ANKS1A: variants seen among roughly 807,000 people sequenced by gnomAD.
ANKS1A encodes ankyrin repeat and sterile alpha motif domain containing 1A.
ANKS1A carries 55 observed loss-of-function variants against 120.3 expected under a neutral mutation model. The ratio of observed to expected loss-of-function variants is 0.46; its 90% CI spans 0.37 to 0.57. The LOEUF is 0.57. ANKS1A is among the 20% of genes least tolerant of loss of function. ANKS1A has a pLI of 0.00. For missense variants in ANKS1A, 1,123 were observed against 1,480.3 expected (o/e 0.76, Z 3.96); for synonymous variants, 590 against 604.7 (o/e 0.98, Z 0.36).
Position 35,017,846 on chromosome 6 carries a change from C to G in ANKS1A, c.1797C>G (p.Asp599Glu), listed in dbSNP as rs755339145. ...ACCCTGGTGGTGCTGAGGAAGGAGACCGGAGTGGGGCCAGGAGCCGAGCGC... is the reference window on the plus strand; with the variant it reads ...ACCCTGGTGGTGCTGAGGAAGGAGAGCGGAGTGGGGCCAGGAGCCGAGCGC... ...SPHPGGAEEG[D>E]RSGARSRAPP... The change falls in exon 11 of 24, where the codon GAC (aspartate) becomes GAG (glutamate). Residue 599 changes from aspartate to glutamate, a missense_variant. Transcript: ENST00000360359. 8.1e-6 allele frequency: 13 copies of G among 1,614,090 alleles called. No individual in the cohort carries two copies. In the Admixed American group the frequency reaches 2.2e-4, roughly 27 times the overall value.
chr6:35,047,174 A>G (rs1775758356), intron 11 of ANKS1A, among the ~76,000 whole-genome samples: 1 of 152,166 alleles, frequency 6.6e-6, no homozygotes. Flanking sequence ...CTGATAGTGT[A>G]TTTGTATTAA....
rs116702560 is a variant in ANKS1A at position 34,958,897 on chromosome 6, G to A, written c.198-8342G>A. On this transcript the variant is annotated intron_variant, in intron 1 of 23. Coordinates refer to ENST00000360359, the MANE Select transcript of ANKS1A (RefSeq NM_015245.3). The stretch of plus-strand genomic sequence containing the variant: ...AGTTTGTGTACTTCCTTCCCAGAAT[G>A]TCACACACTGTACAGTATTGTCATT... Among the ~76,000 whole-genome samples, 1,161 of 152,262 alleles carry A rather than the reference G, an allele frequency of 7.6e-3. 21 individuals carry two copies. Among genetic ancestry groups the A allele is most frequent in the African/African-American group, 0.026 (1,062 of 41,526 alleles).
rs140599618 is a variant in ANKS1A at position 35,070,826 on chromosome 6, T to TTG, written c.2185-7713_2185-7712dup. ...ACCCAGACACCCCTTTCTTTTTTCT[T>TTG]TGTGTGTGTGTGTGTGTGTGCGCGC... is the stretch of plus-strand genomic sequence containing the variant. On this transcript the variant is annotated intron_variant, in intron 13 of 23. Coordinates refer to ENST00000360359, the MANE Select transcript of ANKS1A (RefSeq NM_015245.3). 2,925 of 480,358 alleles carry TTG rather than the reference T, an allele frequency of 6.1e-3. 9 individuals are homozygous for TTG. Among genetic ancestry groups the TTG allele is most frequent in the East Asian group, 0.014 (290 of 20,870 alleles). 29.8% of individuals were successfully genotyped at this position (480,358 alleles called of 1,614,324 possible). A position where few individuals can be genotyped will look rare whatever the true frequency, so the allele number is the denominator to read the frequency against.
chr6:34,984,568 T>C (rs573938132), intron 7 of ANKS1A, among the ~76,000 whole-genome samples: 1 of 152,318 alleles, frequency 6.6e-6, no homozygotes, highest in Non-Finnish European at 1.5e-5. Context: ...TTGCCTGGGC[T>C]CTAATAGTTG....
chr6:35,019,217 G>T (rs1308958081), intron 11 of ANKS1A, among the ~76,000 whole-genome samples: 2 of 152,204 alleles, frequency 1.3e-5, no homozygotes, highest in East Asian at 3.8e-4. Context: ...GCTTCTTACT[G>T]AGTGGAAGCT....
At chr6:35,068,862 G>A (rs1206784478) in intron 13 of ANKS1A, among the ~76,000 whole-genome samples, 1 of 152,226 alleles carries the variant, frequency 6.6e-6, no homozygotes, top group Non-Finnish European at 1.5e-5. Flanking sequence ...ACATGGAAAG[G>A]AGGGTGGAGG....
intron 13 of ANKS1A, among the ~76,000 whole-genome samples, chr6:35,077,639 C>G (rs1581745664): frequency 6.6e-6 from 1 of 152,300 alleles, no homozygotes; most frequent in East Asian, 1.9e-4. Flanking sequence ...CTCACACTAT[C>G]TTGTGACTTC....
In ANKS1A at chr6:34,889,274, A is replaced by C; in HGVS notation, c.-129A>C. On this transcript the variant is annotated 5_prime_UTR_variant, in exon 1 of 24. Coordinates refer to ENST00000360359, the MANE Select transcript of ANKS1A (RefSeq NM_015245.3). The surrounding 1 kb of genome is among the most constrained non-coding windows in gnomAD (Gnocchi z 5.5). Reference sequence around the variant, plus strand: ...CCCGGAAGTGACGCGCTCGTGGGGAAAAGGCAGGGAGGGGGTGGTGTCCCC... The same window carrying C: ...CCCGGAAGTGACGCGCTCGTGGGGACAAGGCAGGGAGGGGGTGGTGTCCCC... The C allele has an allele frequency of 8.4e-7, 1 of 1,185,394 alleles. No individual in the cohort carries two copies. The allele number at this position is 1,185,394 out of a possible 1,614,324, so 73.4% of individuals were successfully genotyped here.
rs1175022541 is a variant in ANKS1A, at chr6:35,081,081, G to A, written c.2632G>A (p.Gly878Arg). 6.2e-7 allele frequency: 1 copy of A among 1,613,796 alleles called. No homozygotes were observed. Among genetic ancestry groups the A allele is most frequent in the Non-Finnish European group, 8.5e-7 (1 of 1,179,984 alleles). ...GRSADLLLPP[G>R]DTGRRRHDSL... ...GTCGGCAGATCTGCTGCTGCCTCCA[G>A]GGGACACAGGCAGGAGGCGCCATGA... Residue 878 changes from glycine (G) to arginine (R), a missense_variant, in exon 17 of 24, where the codon GGG (glycine) becomes AGG (arginine). Transcript: ENST00000360359.
intron 9 of ANKS1A, among the ~76,000 whole-genome samples, chr6:34,990,835 T>A (rs1483107178): frequency 6.6e-6 from 1 of 152,196 alleles, no homozygotes; most frequent in African/African-American, 2.4e-5. Flanking sequence ...TGGAACAGCA[T>A]AGTCAGTATT....
At chr6:34,936,555 AG>A (rs1769267529) in intron 1 of ANKS1A, among the ~76,000 whole-genome samples, 1 of 152,186 alleles carries the variant, frequency 6.6e-6, no homozygotes, top group South Asian at 2.1e-4. Flanking sequence ...TTCCATTGCC[AG>A]GCCTTTTATG....
chr6:35,065,493 G>A (rs1011500791), intron 13 of ANKS1A, among the ~76,000 whole-genome samples: 1 of 152,334 alleles, frequency 6.6e-6, no homozygotes, highest in African/African-American at 2.4e-5. Context: ...CTGGCACCTC[G>A]AATGTCTAGG....
rs749548762 is a variant in ANKS1A at position 35,057,362 on chromosome 6, G to C, written c.2078-2785G>C. On this transcript the variant is annotated intron_variant, in intron 12 of 23. Transcript: ENST00000360359. The surrounding 1 kb of genome is among the most constrained non-coding windows in gnomAD (Gnocchi z 4.1). Reference sequence around the variant, plus strand: ...AAGGCCTTCTCCGTCAAGCAGAAGGGAACTTGCTTGGCTGTCTTCTGATAA... The same window carrying C: ...AAGGCCTTCTCCGTCAAGCAGAAGGCAACTTGCTTGGCTGTCTTCTGATAA... 1.6e-4 allele frequency among the ~76,000 whole-genome samples: 25 copies of C among 152,254 alleles called. No individual in the cohort carries two copies. Among genetic ancestry groups the C allele is most frequent in the Non-Finnish European group, 3.4e-4 (23 of 68,020 alleles).
At chr6:34,924,898 G>T (rs988448817) in intron 1 of ANKS1A, among the ~76,000 whole-genome samples, 1 of 152,170 alleles carries the variant, frequency 6.6e-6, no homozygotes, top group East Asian at 1.9e-4. Context: ...TGGGATTATA[G>T]GCGTGAGCCA....
At chr6:34,902,858 C>CT (rs1234011249) in intron 1 of ANKS1A, among the ~76,000 whole-genome samples, 2 of 148,122 alleles carry the variant, frequency 1.4e-5, no homozygotes, top group Non-Finnish European at 3.0e-5. Context: ...GTTAGACTTG[C>CT]TATTGTCTTC....
intron 11 of ANKS1A, among the ~76,000 whole-genome samples, chr6:35,034,572 T>C (rs1200767933): frequency 2.0e-5 from 3 of 152,218 alleles, no homozygotes; most frequent in African/African-American, 7.2e-5. Context: ...TGGCTGTGCC[T>C]TTTAGTTTAG....
chr6:34,958,938 C>A (rs1382245566), intron 1 of ANKS1A, among the ~76,000 whole-genome samples: 1 of 152,226 alleles, frequency 6.6e-6, no homozygotes, highest in Non-Finnish European at 1.5e-5. Flanking sequence ...ACTGGTCTGA[C>A]TTCCTCACTG....
At chr6:35,023,936 T>A (rs116056669) in intron 11 of ANKS1A, 1,737 of 153,688 alleles carry the variant, frequency 0.011, 38 homozygotes, top group African/African-American at 0.036. Flanking sequence ...ACTAAATTTC[T>A]AAATTTTATT....
intron 11 of ANKS1A, among the ~76,000 whole-genome samples, chr6:35,042,442 TTGTC>T (rs1246102955): frequency 2.0e-5 from 3 of 152,320 alleles, no homozygotes; most frequent in African/African-American, 7.2e-5. Context: ...TAAAAGCTCT[TTGTC>T]TGTTTTTCCA....
Sources: allele counts gnomAD v4.1 joint callset (sites outside exome capture counted in the v4.1 genomes callset), GRCh38; gene constraint gnomAD v4.1.1; non-coding constraint Gnocchi (gnomAD v3.1); transcripts MANE v1.5; gene names NCBI Gene and HGNC (gene_info 2026-07-23, HGNC 2026-07-21).